SLC7A1: variants seen among roughly 807,000 people sequenced by gnomAD.
SLC7A1 encodes solute carrier family 7 member 1.
SLC7A1 carries 10 observed loss-of-function variants against 53.9 expected under a neutral mutation model. The observed-to-expected ratio is 0.19, with a 90% CI of 0.11 to 0.31. SLC7A1 has a LOEUF of 0.31. SLC7A1 is among the 10% of genes least tolerant of loss of function. SLC7A1 has a pLI of 1.00. For synonymous variants in SLC7A1, 342 were observed against 338.7 expected, an observed-to-expected ratio of 1.01 and a Z score of -0.11; for missense variants, 525 against 827.2, an observed-to-expected ratio of 0.63 and a Z score of 4.48.
intron 2 of SLC7A1, among the ~76,000 whole-genome samples, chr13:29,542,932 C>T (rs1003862153): frequency 3.3e-5 from 5 of 152,188 alleles, no homozygotes; most frequent in African/African-American, 9.7e-5. Flanking sequence ...TGAGCTTGGA[C>T]TCTTTTAAAG....
chr13:29,554,541 G>T lies in SLC7A1; in HGVS notation c.-114-681C>A, dbSNP rs76853176. On this transcript the variant is annotated intron_variant, in intron 1 of 12. Transcript: ENST00000380752. Reference sequence around the variant, plus strand: ...TGAACGCAGCCTGAGGACACGCTACGAAGAACCTCATAGATGCATGGCATA... The same window carrying T: ...TGAACGCAGCCTGAGGACACGCTACTAAGAACCTCATAGATGCATGGCATA... Among the ~76,000 whole-genome samples the T allele has an allele frequency of 7.2e-5, 11 of 152,152 alleles. No homozygotes were observed. The South Asian group carries it at 1.0e-3, about 14-fold the overall frequency.
intron 1 of SLC7A1, among the ~76,000 whole-genome samples, chr13:29,554,735 C>G (rs1374421145): frequency 2.0e-5 from 3 of 152,192 alleles, no homozygotes; most frequent in Non-Finnish European, 2.9e-5. Context: ...TGCTAATCAA[C>G]AGCTACAGTT....
At chr13:29,588,861 G>A (rs1033806523) in intron 1 of SLC7A1, among the ~76,000 whole-genome samples, 1 of 152,174 alleles carries the variant, frequency 6.6e-6, no homozygotes, top group African/African-American at 2.4e-5. Context: ...AAAAGAAAAG[G>A]GGAAAAGGAG....
chr13:29,523,122 C>G, intron 7 of SLC7A1, 144 bp downstream of exon 7: 1 of 687,644 alleles, frequency 1.5e-6, no homozygotes, highest in South Asian at 1.7e-5. Context: ...ATGATCAAAG[C>G]TGGGTTGGGT....
chr13:29,524,676 T>A (rs1484721150), intron 5 of SLC7A1, among the ~76,000 whole-genome samples: 15 of 152,016 alleles, frequency 9.9e-5, no homozygotes, highest in Admixed American at 8.5e-4. Flanking sequence ...TAACTCAATC[T>A]CAAAACAAAC....
intron 4 of SLC7A1, among the ~76,000 whole-genome samples, chr13:29,532,208 A>G (rs1435009796): frequency 6.6e-6 from 1 of 152,224 alleles, no homozygotes; most frequent in African/African-American, 2.4e-5. Flanking sequence ...CCACAGAGCA[A>G]AACTCGCGCT....
At chr13:29,544,994 A>T (rs1221146408) in intron 2 of SLC7A1, among the ~76,000 whole-genome samples, 1 of 151,858 alleles carries the variant, frequency 6.6e-6, no homozygotes, top group Non-Finnish European at 1.5e-5. Flanking sequence ...AATAGTATTG[A>T]CAGGACCACA....
At chr13:29,559,864 C>T (rs553848024) in intron 1 of SLC7A1, among the ~76,000 whole-genome samples, 37 of 152,068 alleles carry the variant, frequency 2.4e-4, no homozygotes, top group East Asian at 2.1e-3. Flanking sequence ...TACAGGCGCC[C>T]GCCACCGCGC....
chr13:29,541,690 T>C (rs1593554653), intron 2 of SLC7A1, among the ~76,000 whole-genome samples: 1 of 152,346 alleles, frequency 6.6e-6, no homozygotes, highest in Non-Finnish European at 1.5e-5. Flanking sequence ...TAATGTTGAA[T>C]ACAGTTTAAC....
At chr13:29,553,471 C>G (rs943624135) in intron 2 of SLC7A1, among the ~76,000 whole-genome samples, 4 of 152,118 alleles carry the variant, frequency 2.6e-5, no homozygotes, top group Non-Finnish European at 5.9e-5. Flanking sequence ...GAAGGCCTGG[C>G]CAGCCGTAGG....
intron 1 of SLC7A1, among the ~76,000 whole-genome samples, chr13:29,594,252 G>C (rs1016848220): frequency 2.6e-5 from 4 of 152,262 alleles, no homozygotes; most frequent in South Asian, 4.1e-4. Context: ...CTAGTCGAAT[G>C]TAAGTAAGAT....
chr13:29,573,523 G>A (rs1242287851), intron 1 of SLC7A1, among the ~76,000 whole-genome samples: 3 of 152,176 alleles, frequency 2.0e-5, no homozygotes, highest in African/African-American at 7.2e-5. Context: ...CTGTGTGTCT[G>A]CCTTAAGGCC....
intron 1 of SLC7A1, among the ~76,000 whole-genome samples, chr13:29,594,944 C>A (rs1399345055): frequency 6.6e-6 from 1 of 152,106 alleles, no homozygotes; most frequent in Non-Finnish European, 1.5e-5. Context: ...CATCCCCGGA[C>A]CTCGTGGCGG....
At chr13:29,535,358 T>C (rs1406631613) in intron 3 of SLC7A1, among the ~76,000 whole-genome samples, 1 of 152,218 alleles carries the variant, frequency 6.6e-6, no homozygotes, top group African/African-American at 2.4e-5. Flanking sequence ...AGAGATACAC[T>C]GTAGAAAAAT....
At chr13:29,566,970 C>T (rs573657153) in intron 1 of SLC7A1, among the ~76,000 whole-genome samples, 25 of 152,206 alleles carry the variant, frequency 1.6e-4, no homozygotes, top group Admixed American at 5.9e-4. Context: ...AATCAATCAT[C>T]ATGGCTCCAG....
chr13:29,552,029 G>C (rs1287007224), intron 2 of SLC7A1, among the ~76,000 whole-genome samples: 1 of 152,138 alleles, frequency 6.6e-6, no homozygotes, highest in Non-Finnish European at 1.5e-5. Flanking sequence ...GCTGCTCAAA[G>C]TTGCTTACAT....
intron 5 of SLC7A1, among the ~76,000 whole-genome samples, chr13:29,524,747 C>T (rs972839830): frequency 1.3e-5 from 2 of 152,198 alleles, no homozygotes; most frequent in African/African-American, 4.8e-5. Flanking sequence ...TCCTTAACTG[C>T]CTGTATGCAC....
chr13:29,541,088 A>G (rs1187817054), intron 2 of SLC7A1, among the ~76,000 whole-genome samples: 1 of 152,122 alleles, frequency 6.6e-6, no homozygotes, highest in Non-Finnish European at 1.5e-5. Flanking sequence ...GGCCACGATG[A>G]GAGAGGACGT....
chr13:29,573,218 C>T (rs747504946), intron 1 of SLC7A1, among the ~76,000 whole-genome samples: 5 of 152,072 alleles, frequency 3.3e-5, no homozygotes, highest in African/African-American at 7.2e-5. Context: ...AAAATATCCT[C>T]GGATCAAAAA....
Sources: allele counts gnomAD v4.1 joint callset (sites outside exome capture counted in the v4.1 genomes callset), GRCh38; gene constraint gnomAD v4.1.1; transcripts MANE v1.5; gene names NCBI Gene and HGNC (gene_info 2026-07-23, HGNC 2026-07-21).